CHST8: variants seen among roughly 807,000 people sequenced by gnomAD.
CHST8 encodes GALNAC-4-ST1.
Under a neutral mutation model 15.0 loss-of-function variants are expected in CHST8, and 10 were observed. The ratio of observed to expected loss-of-function variants is 0.67; its 90% confidence interval spans 0.41 to 1.13. The LOEUF (loss-of-function observed/expected upper bound fraction) is 1.13, where lower values mean the gene tolerates loss of function less well. CHST8 is among the 50% of genes most tolerant of loss of function. The probability of loss-of-function intolerance (pLI) is 0.00; values close to 1 mark genes in which losing one functional copy is unlikely to be tolerated. For missense variants in CHST8, 634 were observed against 608.2 expected, an observed-to-expected ratio of 1.04 and a Z score of -0.45; for synonymous variants, 259 against 256.6, an observed-to-expected ratio of 1.01 and a Z score of -0.09.
intron 3 of CHST8, among the ~76,000 whole-genome samples, chr19:33,762,746 T>C (rs1351663816): frequency 6.6e-6 from 1 of 152,240 alleles, no homozygotes; most frequent in African/African-American, 2.4e-5. Flanking sequence ...AAGATGCATA[T>C]GTTTGGCACA....
At chr19:33,762,950 C>T (rs1416652739) in intron 3 of CHST8, among the ~76,000 whole-genome samples, 3 of 151,610 alleles carry the variant, frequency 2.0e-5, no homozygotes, top group Admixed American at 6.6e-5. Flanking sequence ...CAATCTCTAA[C>T]CTCCACTTCC....
intron 3 of CHST8, among the ~76,000 whole-genome samples, chr19:33,764,941 G>A (rs1974803412): frequency 6.6e-6 from 1 of 151,848 alleles, no homozygotes; most frequent in Admixed American, 6.6e-5. Context: ...AACATACAAT[G>A]TTTGGTTTTC....
chr19:33,764,515 A>G (rs79277674), intron 3 of CHST8, among the ~76,000 whole-genome samples: 12,993 of 152,130 alleles, frequency 0.085, 791 homozygotes, highest in Non-Finnish European at 0.13. Context: ...ACAACAAACA[A>G]AAAAACACTC....
At chr19:33,731,774 G>T (rs1973998329) in intron 3 of CHST8, among the ~76,000 whole-genome samples, 1 of 152,196 alleles carries the variant, frequency 6.6e-6, no homozygotes, top group Non-Finnish European at 1.5e-5. Context: ...TTCACAAGGA[G>T]CCCAGAGCCT....
chr19:33,669,445 C>T (rs1400884629), intron 2 of CHST8, among the ~76,000 whole-genome samples: 1 of 152,144 alleles, frequency 6.6e-6, no homozygotes, highest in Non-Finnish European at 1.5e-5. Context: ...AAACCACTCT[C>T]GTGCCTTAAA....
At chr19:33,642,654 C>T (rs1405089808) in intron 1 of CHST8, among the ~76,000 whole-genome samples, 3 of 152,192 alleles carry the variant, frequency 2.0e-5, no homozygotes, top group Non-Finnish European at 4.4e-5. Context: ...TGAGCCACTG[C>T]GCCCAGCCAG....
chr19:33,645,108 G>A (rs935973855), intron 1 of CHST8, among the ~76,000 whole-genome samples: 17 of 152,130 alleles, frequency 1.1e-4, no homozygotes, highest in African/African-American at 4.1e-4. Flanking sequence ...GACCCCAAAT[G>A]TCCGTAGTGT....
chr19:33,661,972 G>A (rs1166295471), intron 1 of CHST8, among the ~76,000 whole-genome samples: 1 of 152,006 alleles, frequency 6.6e-6, no homozygotes, highest in Non-Finnish European at 1.5e-5. Flanking sequence ...GGAGTTTGAG[G>A]CTGCAGTGAG....
intron 1 of CHST8, among the ~76,000 whole-genome samples, chr19:33,665,488 G>A (rs1253930896): frequency 1.3e-5 from 2 of 152,148 alleles, no homozygotes; most frequent in Admixed American, 1.3e-4. Flanking sequence ...GGAGGGTGTG[G>A]TCCATGGGCC....
chr19:33,703,317 AC>A (rs2145281527), intron 3 of CHST8, among the ~76,000 whole-genome samples: 2 of 152,242 alleles, frequency 1.3e-5, no homozygotes, highest in East Asian at 3.9e-4. Flanking sequence ...CCGTGTGCCA[AC>A]CCTCCTGATG....
chr19:33,622,527 C>G (rs62102228), intron 1 of CHST8, among the ~76,000 whole-genome samples: 32,818 of 152,194 alleles, frequency 0.22, 3,829 homozygotes, highest in Middle Eastern at 0.37. Context: ...TAGACTTTCT[C>G]TCCTTGGATC....
intron 1 of CHST8, among the ~76,000 whole-genome samples, chr19:33,652,583 C>T (rs1001658487): frequency 6.6e-6 from 1 of 151,990 alleles, no homozygotes; most frequent in Non-Finnish European, 1.5e-5. Context: ...ACCATGTTGG[C>T]CAGGCTGGTC....
At chr19:33,673,164 G>A (rs1044287526) in intron 2 of CHST8, among the ~76,000 whole-genome samples, 6 of 152,216 alleles carry the variant, frequency 3.9e-5, no homozygotes, top group African/African-American at 1.2e-4. Context: ...TGGCTGGGAG[G>A]ACACAGCTGG....
intron 3 of CHST8, among the ~76,000 whole-genome samples, chr19:33,762,030 G>T (rs563702998): frequency 4.2e-4 from 64 of 152,326 alleles, no homozygotes; most frequent in Non-Finnish European, 8.7e-4. Flanking sequence ...CAGCACAAAT[G>T]TGTGCTGTGG....
chr19:33,760,936 T>G (rs1433490373), intron 3 of CHST8, among the ~76,000 whole-genome samples: 1 of 152,162 alleles, frequency 6.6e-6, no homozygotes, highest in East Asian at 1.9e-4. Context: ...GACACTGTCA[T>G]CAGTACCTAA....
At chr19:33,692,173 A>G (rs1012409989) in intron 3 of CHST8, among the ~76,000 whole-genome samples, 12 of 152,172 alleles carry the variant, frequency 7.9e-5, no homozygotes, top group African/African-American at 2.9e-4. Context: ...TACAGTCCAA[A>G]TCAAATCTTT....
chr19:33,666,748 G>A (rs1972667125), intron 1 of CHST8, among the ~76,000 whole-genome samples: 1 of 152,120 alleles, frequency 6.6e-6, no homozygotes, highest in Admixed American at 6.5e-5. Context: ...TGTCACCCAG[G>A]CTGGAGTGCA....
chr19:33,687,218 C>T (rs997351090), intron 2 of CHST8, among the ~76,000 whole-genome samples: 9 of 152,230 alleles, frequency 5.9e-5, no homozygotes, highest in Non-Finnish European at 1.2e-4. Context: ...GGCATCGCAG[C>T]CTGCTGTGGG....
chr19:33,768,214 G>T (rs1232394627), intron 3 of CHST8, among the ~76,000 whole-genome samples: 1 of 152,142 alleles, frequency 6.6e-6, no homozygotes, highest in East Asian at 1.9e-4. Context: ...TCCTAGTGGG[G>T]ACACTAGGTT....
Sources: gnomAD v4.1 joint callset for allele counts (sites outside exome capture counted in the v4.1 genomes callset) on GRCh38, gnomAD v4.1.1 for gene constraint, MANE v1.5 for transcripts, NCBI Gene and HGNC (gene_info 2026-07-23, HGNC 2026-07-21) for gene names.